Variants in MYO1D observed in about 807,000 individuals in gnomAD.
MYO1D encodes the protein unconventional myosin-Id.
MYO1D carries 83 observed loss-of-function variants against 122.0 expected under a neutral mutation model. That is an observed-to-expected ratio of 0.68 (90% confidence interval 0.57 to 0.82). The LOEUF (loss-of-function observed/expected upper bound fraction) is 0.82. MYO1D is among the 40% of genes least tolerant of loss of function. The pLI, the probability that MYO1D is intolerant of heterozygous loss-of-function variation, is 0.00. For synonymous variants in MYO1D, 464 were observed against 446.9 expected (o/e 1.04, Z -0.48); for missense variants, 1,157 against 1,269.5 (o/e 0.91, Z 1.35).
chr17:32,819,954 T>G lies in MYO1D; in HGVS notation c.96-39170A>C, dbSNP rs544751786. Among the ~76,000 whole-genome samples the G allele has an allele frequency of 3.9e-5, 6 of 152,300 alleles. No individual in the cohort carries two copies. The South Asian group carries it at 1.2e-3, about 32-fold the overall frequency. On this transcript the variant is annotated intron_variant, in intron 1 of 21. Transcript: ENST00000318217. ...TACTTAAAACTGACTGAGTTAAACT[T>G]TGCAAATCAAGCCACAGGTTGTTGG...
intron 16 of MYO1D, among the ~76,000 whole-genome samples, chr17:32,687,553 G>C (rs1315893009): frequency 6.6e-6 from 1 of 152,062 alleles, no homozygotes; most frequent in Non-Finnish European, 1.5e-5. Context: ...ATGTTGCCCA[G>C]GCTGGTCTTG....
Position 32,728,502 on chromosome 17 carries a change from G to A in MYO1D, c.1747-7313C>T, listed in dbSNP as rs74885828. Among the ~76,000 whole-genome samples the A allele has an allele frequency of 4.0e-3, 605 of 152,070 alleles. 15 individuals are homozygous for A. Among genetic ancestry groups the A allele is most frequent in the Admixed American group, 0.027 (407 of 15,264 alleles). On this transcript the variant is annotated intron_variant, in intron 14 of 21. Coordinates refer to ENST00000318217, the MANE Select transcript of MYO1D (RefSeq NM_015194.3). ...ATTACAGGCATGAGCCACCGCGCCC[G>A]GCTGCAAATTATTTTTTAAAGACAA...
intron 21 of MYO1D, among the ~76,000 whole-genome samples, chr17:32,550,973 AG>A (rs77875972): frequency 0.66 from 100,101 of 151,346 alleles, 33,981 homozygotes; most frequent in African/African-American, 0.82. Flanking sequence ...GTCAAAAAAA[AG>A]AGAAAGAAAT....
chr17:32,790,001 AAT>A (rs997104723), intron 1 of MYO1D, among the ~76,000 whole-genome samples: 4 of 152,226 alleles, frequency 2.6e-5, no homozygotes, highest in Admixed American at 2.0e-4. Context: ...ATTCAATAAA[AAT>A]GTCTCATTCT....
intron 2 of MYO1D, among the ~76,000 whole-genome samples, chr17:32,779,739 T>C (rs1283676868): frequency 1.3e-5 from 2 of 152,202 alleles, no homozygotes; most frequent in Non-Finnish European, 2.9e-5. Context: ...TCCTAGGATA[T>C]AATTTTCTAA....
At chr17:32,550,262 G>A (rs1394716530) in intron 21 of MYO1D, among the ~76,000 whole-genome samples, 3 of 152,090 alleles carry the variant, frequency 2.0e-5, no homozygotes, top group African/African-American at 7.2e-5. Context: ...ACCATGGCCG[G>A]CTAATTTTTG....
chr17:32,864,460 A>G (rs1254404663), intron 1 of MYO1D, among the ~76,000 whole-genome samples: 1 of 150,966 alleles, frequency 6.6e-6, no homozygotes, highest in African/African-American at 2.4e-5. Flanking sequence ...GGCAAGCAAC[A>G]TCATGAGACT....
Position 32,624,234 on chromosome 17 carries a change from T to A in MYO1D, c.2709+14488A>T, listed in dbSNP as rs1363402648. Among the ~76,000 whole-genome samples, 20 of 148,334 alleles carry A rather than the reference T, an allele frequency of 1.3e-4. No individual in the cohort carries two copies. The East Asian group carries it at 3.7e-3, about 28-fold the overall frequency. ...TCTTTAAGTTTTTTTTTTTTTTTTG[T>A]AGAGACAGGGTCTTGCTATGTTGGC... On this transcript the variant is annotated intron_variant, in intron 20 of 21. Transcript: ENST00000318217.
intron 20 of MYO1D, among the ~76,000 whole-genome samples, chr17:32,618,939 C>T (rs2087816343): frequency 6.6e-6 from 1 of 152,064 alleles, no homozygotes; most frequent in Non-Finnish European, 1.5e-5. Flanking sequence ...CTCGCAACTC[C>T]TCCATTAATT....
intron 1 of MYO1D, among the ~76,000 whole-genome samples, chr17:32,845,130 C>T (rs1034428504): frequency 4.6e-5 from 7 of 151,514 alleles, no homozygotes; most frequent in South Asian, 4.2e-4. Context: ...TTTTGCTTTC[C>T]TCTTTGTAAC....
intron 16 of MYO1D, among the ~76,000 whole-genome samples, chr17:32,695,106 A>C (rs2089154776): frequency 6.6e-6 from 1 of 151,716 alleles, no homozygotes; most frequent in African/African-American, 2.4e-5. Flanking sequence ...AACCTTTTTG[A>C]CATCAGGGAC....
intron 21 of MYO1D, among the ~76,000 whole-genome samples, chr17:32,519,906 A>ATTTTTT (rs1201382792): frequency 0.016 from 2,241 of 142,576 alleles, 59 homozygotes; most frequent in African/African-American, 0.059. Context: ...TTTTTTAAAA[A>ATTTTTT]AAAAAACCAG....
rs535377970 is a variant in MYO1D at position 32,502,602 on chromosome 17, T to C, written c.2865-7687A>G. Among the ~76,000 whole-genome samples the C allele has an allele frequency of 1.1e-4, 17 of 152,322 alleles. 1 individual carries two copies. In the South Asian group the frequency reaches 3.5e-3, roughly 32 times the overall value. ...ATGTGGATTGACCTAAATGAAAAATTAGAATTTGCCTTCAAACCATGTTTT... is the reference window on the plus strand; with the variant it reads ...ATGTGGATTGACCTAAATGAAAAATCAGAATTTGCCTTCAAACCATGTTTT... On this transcript the variant is annotated intron_variant, in intron 21 of 21. Coordinates refer to ENST00000318217, the MANE Select transcript of MYO1D (RefSeq NM_015194.3).
At chr17:32,658,891 A>G (rs942048193) in intron 17 of MYO1D, 1 of 556,078 alleles carries the variant, frequency 1.8e-6, no homozygotes, top group African/African-American at 1.9e-5. Context: ...GTTGTGGCAC[A>G]TTGCTGTCAG....
chr17:32,606,373 C>G (rs2087628349), intron 20 of MYO1D, among the ~76,000 whole-genome samples: 1 of 152,082 alleles, frequency 6.6e-6, no homozygotes, highest in South Asian at 2.1e-4. Flanking sequence ...ATTCTGATAT[C>G]AAAAATAAAC....
chr17:32,643,789 T>C (rs1360976641), intron 19 of MYO1D, among the ~76,000 whole-genome samples: 5 of 152,106 alleles, frequency 3.3e-5, no homozygotes, highest in Non-Finnish European at 7.4e-5. Flanking sequence ...TTTTTTATTG[T>C]GTCTATTTGA....
chr17:32,818,474 T>G (rs1347294558), intron 1 of MYO1D, among the ~76,000 whole-genome samples: 4 of 152,180 alleles, frequency 2.6e-5, no homozygotes, highest in African/African-American at 9.7e-5. Flanking sequence ...ATGGACACAT[T>G]CAAGACCCAT....
At position 32,653,970 on chromosome 17, in the gene MYO1D, C is replaced by CA. The variant is rs749452735; in HGVS notation, c.2491-24dup. 467 of 1,573,230 alleles carry CA rather than the reference C, an allele frequency of 3.0e-4. 2 individuals are homozygous for CA. The highest frequency in any genetic ancestry group is 2.6e-4 in the Non-Finnish European group (293 of 1,145,752). On this transcript the variant is annotated intron_variant, in intron 18 of 21. Coordinates refer to ENST00000318217, the MANE Select transcript of MYO1D (RefSeq NM_015194.3). ...CTTCTGAAAGAGAAAGGAAACAAGA[C>CA]AAAATGAGTATGCTTAGCATTTTAG...
At chr17:32,509,038 A>T (rs1313898648) in intron 21 of MYO1D, among the ~76,000 whole-genome samples, 2 of 152,256 alleles carry the variant, frequency 1.3e-5, no homozygotes, top group Non-Finnish European at 2.9e-5. Flanking sequence ...AACACAAGAC[A>T]TGTCTTCAAC....
Sources: gnomAD v4.1 joint callset for allele counts (sites outside exome capture counted in the v4.1 genomes callset) on GRCh38, gnomAD v4.1.1 for gene constraint, MANE v1.5 for transcripts, NCBI Gene and HGNC (gene_info 2026-07-23, HGNC 2026-07-21) for gene names.